Variants in LPP observed in about 807,000 individuals in gnomAD.
The protein encoded by LPP is LIM domain containing preferred translocation partner in lipoma.
LPP carries 38 observed loss-of-function variants against 60.4 expected under a neutral mutation model. The ratio of observed to expected loss-of-function variants is 0.63; its 90% CI spans 0.49 to 0.83. The LOEUF (loss-of-function observed/expected upper bound fraction) is 0.83, where lower values mean the gene tolerates loss of function less well. LPP is among the 40% of genes least tolerant of loss of function. The pLI, the probability that LPP is intolerant of heterozygous loss-of-function variation, is 0.00. For synonymous variants in LPP, 328 were observed against 290.8 expected (o/e 1.13, Z -1.30); for missense variants, 902 against 783.6 (o/e 1.15, Z -1.80).
chr3:188,416,466 C>T (rs768408318), intron 4 of LPP, among the ~76,000 whole-genome samples: 1 of 152,170 alleles, frequency 6.6e-6, no homozygotes, highest in African/African-American at 2.4e-5. Context: ...GCTCAACCAA[C>T]GTTTGGGAAC....
At chr3:188,854,716 GC>G (rs1187900304) in intron 9 of LPP, among the ~76,000 whole-genome samples, 1 of 152,210 alleles carries the variant, frequency 6.6e-6, no homozygotes, top group Non-Finnish European at 1.5e-5. Flanking sequence ...GTTCAAAGAA[GC>G]TTTTCTATCA....
chr3:188,158,182 C>T (rs184744722), intron 1 of LPP, among the ~76,000 whole-genome samples: 1 of 151,754 alleles, frequency 6.6e-6, no homozygotes, highest in East Asian at 1.9e-4. Context: ...GACCCTGGGC[C>T]GCGATTAGAG....
chr3:188,855,488 G>A (rs919161591), intron 9 of LPP, among the ~76,000 whole-genome samples: 1 of 152,174 alleles, frequency 6.6e-6, no homozygotes, highest in African/African-American at 2.4e-5. Flanking sequence ...TCTGGAGAGG[G>A]GGCTGCTGAA....
intron 9 of LPP, among the ~76,000 whole-genome samples, chr3:188,791,289 C>G (rs1358845035): frequency 6.6e-6 from 1 of 152,174 alleles, no homozygotes; most frequent in Non-Finnish European, 1.5e-5. Flanking sequence ...TGCTAAATAG[C>G]TTCCTAAAGG....
At chr3:188,212,359 G>A (rs1425281201) in intron 1 of LPP, among the ~76,000 whole-genome samples, 1 of 152,182 alleles carries the variant, frequency 6.6e-6, no homozygotes, top group Non-Finnish European at 1.5e-5. Flanking sequence ...GTTTGGGGTG[G>A]AGGAGGTTTT....
chr3:188,718,567 A>G (rs1215080829), intron 8 of LPP, among the ~76,000 whole-genome samples: 2 of 152,324 alleles, frequency 1.3e-5, no homozygotes, highest in East Asian at 3.9e-4. Flanking sequence ...TCTTTATCCA[A>G]TTTACTTGTA....
chr3:188,703,937 A>C (rs369816511), intron 7 of LPP, among the ~76,000 whole-genome samples: 1 of 152,226 alleles, frequency 6.6e-6, no homozygotes, highest in African/African-American at 2.4e-5. Flanking sequence ...AACTGATATT[A>C]GGTTGAGACA....
intron 2 of LPP, among the ~76,000 whole-genome samples, chr3:188,261,179 C>A (rs1733490554): frequency 6.6e-6 from 1 of 152,168 alleles, no homozygotes; most frequent in Admixed American, 6.6e-5. Flanking sequence ...GACAGCATCT[C>A]CCTTTGTCAT....
At position 188,590,826 on chromosome 3, in the gene LPP, A is replaced by G. The variant is rs147296722; in HGVS notation, c.430-18335A>G. Among the ~76,000 whole-genome samples, 725 of 152,242 alleles carry G rather than the reference A, an allele frequency of 4.8e-3. 5 individuals carry two copies. Among genetic ancestry groups the G allele is most frequent in the African/African-American group, 0.017 (696 of 41,550 alleles). ...TTAAGTTATATTTAACTAGCCTGTG[A>G]TCTCTAAGGCCTTCAATTATGAGGT... On this transcript the variant is annotated intron_variant, in intron 6 of 11. Transcript: ENST00000617246.
chr3:188,215,573 C>T (rs2149244465), intron 1 of LPP, among the ~76,000 whole-genome samples: 1 of 152,212 alleles, frequency 6.6e-6, no homozygotes, highest in South Asian at 2.1e-4. Flanking sequence ...GCGTAGTGTC[C>T]TTAAGGTTCA....
intron 9 of LPP, among the ~76,000 whole-genome samples, chr3:188,800,589 A>C (rs1746909069): frequency 6.6e-6 from 1 of 152,164 alleles, no homozygotes; most frequent in Non-Finnish European, 1.5e-5. Flanking sequence ...TTTCCAAGTC[A>C]AAAGTGTATG....
chr3:188,391,269 A>G (rs181217594), intron 3 of LPP, among the ~76,000 whole-genome samples: 17 of 152,236 alleles, frequency 1.1e-4, no homozygotes, highest in African/African-American at 4.1e-4. Flanking sequence ...ATCACTCAGT[A>G]CTTCTGGAGT....
intron 7 of LPP, among the ~76,000 whole-genome samples, chr3:188,628,303 A>T (rs1847226893): frequency 6.6e-6 from 1 of 151,954 alleles, no homozygotes; most frequent in South Asian, 2.1e-4. Context: ...GATCACTAAA[A>T]CCAAAAGCTG....
intron 6 of LPP, among the ~76,000 whole-genome samples, chr3:188,581,720 C>T (rs1836195558): frequency 6.6e-6 from 1 of 152,106 alleles, no homozygotes; most frequent in East Asian, 1.9e-4. Flanking sequence ...TTGCTTCGCT[C>T]TATTTTACCT....
chr3:188,865,201 G>A (rs1318659580), intron 9 of LPP, among the ~76,000 whole-genome samples: 2 of 152,176 alleles, frequency 1.3e-5, no homozygotes, highest in African/African-American at 2.4e-5. Context: ...GAATTAAAGG[G>A]CAGGATGGAA....
chr3:188,684,182 TAG>T (rs1390965477), intron 7 of LPP, among the ~76,000 whole-genome samples: 1 of 152,260 alleles, frequency 6.6e-6, no homozygotes, highest in Non-Finnish European at 1.5e-5. Context: ...TGCATATTTT[TAG>T]ACTTTTAAAA....
intron 2 of LPP, among the ~76,000 whole-genome samples, chr3:188,318,988 G>C (rs1578076885): frequency 6.6e-6 from 1 of 151,934 alleles, no homozygotes; most frequent in Admixed American, 6.6e-5. Context: ...TCGATCTCCT[G>C]ACCTCGTGAT....
intron 7 of LPP, among the ~76,000 whole-genome samples, chr3:188,674,251 C>G (rs1198167949): frequency 6.6e-6 from 1 of 152,188 alleles, no homozygotes; most frequent in Non-Finnish European, 1.5e-5. Context: ...TCAAAAGCTC[C>G]TACCTTTGAC....
At chr3:188,725,613 T>C (rs1251831769) in intron 8 of LPP, 1 of 152,190 alleles carries the variant, frequency 6.6e-6, no homozygotes. Flanking sequence ...AGATAGGAAA[T>C]ATATGTTGTT....
Sources: allele counts gnomAD v4.1 joint callset (sites outside exome capture counted in the v4.1 genomes callset), GRCh38; gene constraint gnomAD v4.1.1; transcripts MANE v1.5; gene names NCBI Gene and HGNC (gene_info 2026-07-23, HGNC 2026-07-21).